Variants in PHKA1 observed in about 807,000 individuals in gnomAD.
PHKA1 encodes the protein phosphorylase b kinase regulatory subunit alpha, skeletal muscle isoform.
In PHKA1, 60 loss-of-function variants were observed where a neutral mutation model predicts 110.2. The ratio of observed to expected loss-of-function variants is 0.54; its 90% CI spans 0.44 to 0.68. The LOEUF is 0.68. Among genes scored for constraint, PHKA1 ranks in the 30% least tolerant of loss-of-function variants. PHKA1 has a pLI of 0.00. For missense variants in PHKA1, 801 were observed against 942.5 expected (o/e 0.85, Z 1.97); for synonymous variants, 316 against 333.6 (o/e 0.95, Z 0.58).
chrX:72,585,873 G>A (rs782380587), intron 29 of PHKA1, among the ~76,000 whole-genome samples: 1 of 112,436 alleles, frequency 8.9e-6, no homozygotes, highest in African/African-American at 3.2e-5. Flanking sequence ...TGGTGGAGGG[G>A]TGTCCGCCAT....
At chrX:72,626,943 C>A in intron 17 of PHKA1, 28 bp downstream of exon 17, 1 of 1,108,329 alleles carries the variant, frequency 9.0e-7, no homozygotes, top group Admixed American at 2.2e-5. Flanking sequence ...CATTTCATTT[C>A]ACTAAAGAGT....
At chrX:72,605,769 GCTCATTCATTGC>G in intron 23 of PHKA1, 150 bp from the exon 24 acceptor site, 3 of 500,292 alleles carry the variant, frequency 6.0e-6, no homozygotes. Flanking sequence ...AAACTTCAAA[GCTCATTCATTGC>G]CTCCTGAAAC....
chrX:72,604,387 C>T (rs782162306), intron 25 of PHKA1, among the ~76,000 whole-genome samples: 38 of 111,317 alleles, frequency 3.4e-4, no homozygotes, highest in Non-Finnish European at 6.4e-4. Flanking sequence ...TATATGTAAA[C>T]TTAAAGCAAA....
chrX:72,615,720 GGGAA>G (rs1387688906), intron 21 of PHKA1, among the ~76,000 whole-genome samples: 4 of 52,582 alleles, frequency 7.6e-5, no homozygotes, highest in Admixed American at 6.0e-4. Flanking sequence ...AGAAGGAGGG[GGGAA>G]GGAAGGAAGG....
At chrX:72,611,326 T>C in intron 21 of PHKA1, 142 bp from the exon 22 acceptor site, 1 of 510,341 alleles carries the variant, frequency 2.0e-6, no homozygotes, top group Admixed American at 3.1e-5. Flanking sequence ...AGAATCCTTA[T>C]AAAACTATGA....
At chrX:72,712,534 G>C (rs1489042497) in intron 2 of PHKA1, among the ~76,000 whole-genome samples, 1 of 112,030 alleles carries the variant, frequency 8.9e-6, no homozygotes, top group Admixed American at 9.4e-5. Flanking sequence ...ATTTTCCACT[G>C]TAACAGAACA....
chrX:72,713,686 A>ACC (rs2147855572), intron 1 of PHKA1, 117 bp downstream of exon 1: 1 of 577,677 alleles, frequency 1.7e-6, no homozygotes, highest in Non-Finnish European at 2.9e-6. Flanking sequence ...ACACACACAC[A>ACC]CACACACACA....
intron 3 of PHKA1, among the ~76,000 whole-genome samples, chrX:72,703,648 C>T (rs2054237025): frequency 8.9e-6 from 1 of 111,770 alleles, no homozygotes; most frequent in Non-Finnish European, 1.9e-5. Flanking sequence ...CATATCACTG[C>T]ACTCCAGCCT....
chrX:72,691,575 CA>C (rs1439087363), intron 4 of PHKA1, among the ~76,000 whole-genome samples: 2 of 112,215 alleles, frequency 1.8e-5, no homozygotes, highest in Admixed American at 9.4e-5. Flanking sequence ...TCATATCTTT[CA>C]AAGTACAAAT....
At chrX:72,602,332 C>A in intron 26 of PHKA1, 59 bp from the exon 27 acceptor site, 1 of 712,917 alleles carries the variant, frequency 1.4e-6, no homozygotes, top group East Asian at 3.3e-5. Flanking sequence ...AATTTCTTCC[C>A]CATCACATTT....
rs782574152 is a variant in PHKA1, at chrX:72,714,141, G to T, written c.-261C>A. ...CTAGAGCCCCGCCGCAGCGCCCCAGGCGCCGCTCCTGCCCCCTTAGTCCAG... is the reference window on the plus strand; with the variant it reads ...CTAGAGCCCCGCCGCAGCGCCCCAGTCGCCGCTCCTGCCCCCTTAGTCCAG... On this transcript the variant is annotated 5_prime_UTR_variant, in exon 1 of 32. Coordinates refer to ENST00000373542, the MANE Select transcript of PHKA1 (RefSeq NM_002637.4). The T allele has an allele frequency of 1.3e-3, 507 of 393,604 alleles. 2 individuals carry two copies. Among genetic ancestry groups the T allele is most frequent in the African/African-American group, 0.012 (477 of 39,653 alleles). 32.4% of individuals were successfully genotyped at this position (393,604 alleles called of 1,213,427 possible).
rs2052324419 is a variant in PHKA1, at chrX:72,580,798, T to C, written c.*204A>G. On this transcript the variant is annotated 3_prime_UTR_variant, in exon 32 of 32. Transcript: ENST00000373542. Reference sequence around the variant, plus strand: ...TTCATTATACTCATAAGATTGTCACTGGTTCTGCAAGGTGAGCCTCCAGGT... The same window carrying C: ...TTCATTATACTCATAAGATTGTCACCGGTTCTGCAAGGTGAGCCTCCAGGT... 8.8e-6 allele frequency: 4 copies of C among 454,185 alleles called. No homozygotes were observed. In the African/African-American group the frequency reaches 9.7e-5, roughly 11 times the overall value. The allele number at this position is 454,185 out of a possible 1,213,427, so 37.4% of individuals were successfully genotyped here. A position where few individuals can be genotyped will look rare whatever the true frequency, so the allele number is the denominator to read the frequency against.
intron 1 of PHKA1, among the ~76,000 whole-genome samples, chrX:72,713,598 G>A (rs1435981519): frequency 9.1e-6 from 1 of 109,922 alleles, no homozygotes; most frequent in Non-Finnish European, 1.9e-5. Context: ...ATTAACAGGG[G>A]CGGGAGAACC....
chrX:72,711,034 T>C (rs1489675667), intron 2 of PHKA1, among the ~76,000 whole-genome samples: 1 of 106,215 alleles, frequency 9.4e-6, no homozygotes, highest in Non-Finnish European at 1.9e-5. Flanking sequence ...GCTAATTTTT[T>C]GTATTTTTAG....
intron 4 of PHKA1, among the ~76,000 whole-genome samples, chrX:72,685,981 T>C (rs1282749748): frequency 1.8e-5 from 2 of 112,063 alleles, no homozygotes; most frequent in East Asian, 5.6e-4. Flanking sequence ...GAAATTCTAG[T>C]TTGCTGAACA....
chrX:72,648,557 C>G (rs1556297845), intron 13 of PHKA1, among the ~76,000 whole-genome samples: 1 of 111,035 alleles, frequency 9.0e-6, no homozygotes, highest in East Asian at 2.8e-4. Flanking sequence ...CCACTCTGCT[C>G]ATTTGTGTCT....
chrX:72,630,343 G>A (rs782673434), intron 16 of PHKA1, among the ~76,000 whole-genome samples: 1 of 109,757 alleles, frequency 9.1e-6, no homozygotes, highest in African/African-American at 3.3e-5. Flanking sequence ...AAATTGAAGT[G>A]GAGAAAGTCT....
intron 19 of PHKA1, among the ~76,000 whole-genome samples, chrX:72,620,013 A>G (rs1344292720): frequency 8.9e-6 from 1 of 112,087 alleles, no homozygotes; most frequent in East Asian, 2.8e-4. Context: ...CTCAGAGGGT[A>G]TGCTGAGCTT....
In PHKA1 at chrX:72,602,032, G is replaced by A; in HGVS notation, c.3034-3C>T. On this transcript the variant is annotated splice_polypyrimidine_tract_variant and splice_region_variant and intron_variant, in intron 27 of 31. Transcript: ENST00000373542. ...ATTGACAGTCTACGAAATTCCACCT[G>A]AAACATAAATGGCTCAAATTAAACT... 1 of 1,192,167 alleles carries A rather than the reference G, an allele frequency of 8.4e-7. No homozygotes were observed. The highest frequency in any genetic ancestry group is 1.1e-6 in the Non-Finnish European group (1 of 878,882).
Sources: allele counts gnomAD v4.1 joint callset (sites outside exome capture counted in the v4.1 genomes callset), GRCh38; gene constraint gnomAD v4.1.1; transcripts MANE v1.5; gene names NCBI Gene and HGNC (gene_info 2026-07-23, HGNC 2026-07-21).